Variants in CHRNA5 observed in about 807,000 individuals in gnomAD.
CHRNA5 encodes the protein cholinergic receptor nicotinic alpha 5 subunit.
In CHRNA5, 28 loss-of-function variants were observed where a neutral mutation model predicts 41.2. The ratio of observed to expected loss-of-function variants is 0.68; its 90% CI spans 0.50 to 0.93. The LOEUF (loss-of-function observed/expected upper bound fraction) is 0.93. Among genes scored for constraint, CHRNA5 ranks in the 40% least tolerant of loss-of-function variants. CHRNA5 has a pLI of 0.00. For synonymous variants in CHRNA5, 188 were observed against 205.8 expected (o/e 0.91, Z 0.74); for missense variants, 481 against 581.9 (o/e 0.83, Z 1.78).
intron 2 of CHRNA5, among the ~76,000 whole-genome samples, chr15:78,583,003 A>G (rs571772052): frequency 1.3e-5 from 2 of 152,156 alleles, no homozygotes; most frequent in Non-Finnish European, 2.9e-5. Context: ...TCCAGAATCC[A>G]TAAGACAGCC....
intron 1 of CHRNA5, among the ~76,000 whole-genome samples, chr15:78,578,488 C>T (rs1046050932): frequency 3.9e-5 from 6 of 152,210 alleles, no homozygotes; most frequent in African/African-American, 1.4e-4. Context: ...GCCTGGGTGA[C>T]AGAGTGAGAC....
chr15:78,566,505 A>G (rs538883170), intron 1 of CHRNA5, among the ~76,000 whole-genome samples: 2 of 152,228 alleles, frequency 1.3e-5, no homozygotes, highest in South Asian at 2.1e-4. Flanking sequence ...TGCTTGGGAA[A>G]GTTTTAGAGT....
At position 78,570,424 on chromosome 15, in the gene CHRNA5, AT is replaced by A. The variant is rs71148540; in HGVS notation, c.106+4624del. On this transcript the variant is annotated intron_variant, in intron 1 of 5. Coordinates refer to ENST00000299565, the Ensembl canonical transcript of CHRNA5. ...CAGGCATGTGCCACCAATCCCGGCT[AT>A]TTTTTTTTTTTTTTTTTTTTTTTTA... Among the ~76,000 whole-genome samples the A allele has an allele frequency of 4.9e-3, 316 of 64,156 alleles. 5 individuals are homozygous for A. Among genetic ancestry groups the A allele is most frequent in the African/African-American group, 0.02 (289 of 14,814 alleles). The allele number at this position is 64,156 out of a possible 152,430, so 42.1% of individuals were successfully genotyped here.
chr15:78,565,956 G>C, intron 1 of CHRNA5, 131 bp downstream of exon 1: 1 of 377,552 alleles, frequency 2.6e-6, no homozygotes. Flanking sequence ...TCTCCTGGGG[G>C]CTTGGAGTGA....
chr15:78,576,141 GT>G (rs200478893), intron 1 of CHRNA5, among the ~76,000 whole-genome samples: 2 of 151,644 alleles, frequency 1.3e-5, no homozygotes, highest in South Asian at 2.1e-4. Flanking sequence ...TTGTTTGTTT[GT>G]TTTTTTTTTT....
intron 1 of CHRNA5, among the ~76,000 whole-genome samples, chr15:78,570,581 G>A (rs1233382196): frequency 1.3e-5 from 2 of 151,772 alleles, no homozygotes; most frequent in Admixed American, 6.6e-5. Flanking sequence ...CTCCTACTGT[G>A]TTTAATTCAG....
chr15:78,572,317 A>G (rs73463074), intron 1 of CHRNA5, among the ~76,000 whole-genome samples: 5,991 of 152,192 alleles, frequency 0.039, 356 homozygotes, highest in African/African-American at 0.12. Flanking sequence ...TCCCATTGTA[A>G]CATTATTAGA....
intron 2 of CHRNA5, among the ~76,000 whole-genome samples, chr15:78,582,508 A>G (rs1432739929): frequency 7.0e-6 from 1 of 142,560 alleles, no homozygotes. Context: ...AAAGAAAAGA[A>G]AAAGTAAGGT....
At chr15:78,571,578 CTTT>C (rs34248937) in intron 1 of CHRNA5, among the ~76,000 whole-genome samples, 31 of 116,568 alleles carry the variant, frequency 2.7e-4, no homozygotes, top group African/African-American at 5.6e-4. Flanking sequence ...GATGCTCTGC[CTTT>C]TTTTTTTTTT....
At chr15:78,580,962 G>A (rs1316101797) in exon 2 of CHRNA5, 1 of 1,611,898 alleles carries the variant, frequency 6.2e-7, no homozygotes, top group Non-Finnish European at 8.5e-7. Context: ...TGGTGGATGT[G>A]GTAGGTGTGC....
intron 1 of CHRNA5, among the ~76,000 whole-genome samples, chr15:78,570,099 G>A (rs2052787746): frequency 6.6e-6 from 1 of 152,154 alleles, no homozygotes; most frequent in Non-Finnish European, 1.5e-5. Flanking sequence ...TGGGATTACA[G>A]GCGTGAGCCA....
At chr15:78,565,723 G>A (rs1440785195) in exon 1 of CHRNA5, 13 of 1,168,610 alleles carry the variant, frequency 1.1e-5, no homozygotes, top group Admixed American at 9.3e-5. Flanking sequence ...CGGGGCGATG[G>A]CGGCGCGGGG....
chr15:78,565,596 C>T (rs1297206749), exon 1 of CHRNA5: 1 of 237,990 alleles, frequency 4.2e-6, no homozygotes, highest in Non-Finnish European at 7.7e-6. Context: ...GGAGCGGCCC[C>T]TCTGCTGCGT....
chr15:78,580,820 A>G, exon 2 of CHRNA5: 1 of 1,612,136 alleles, frequency 6.2e-7, no homozygotes, highest in Non-Finnish European at 8.5e-7. Flanking sequence ...GGATTATCTG[A>G]ACCTTCTTCT....
exon 2 of CHRNA5, chr15:78,580,911 T>C (rs755103444): frequency 6.2e-7 from 1 of 1,614,178 alleles, no homozygotes; most frequent in East Asian, 2.2e-5. Context: ...AACACCTGAA[T>C]GACAAAATAA....
chr15:78,590,022 GA>G lies in CHRNA5; in HGVS notation c.632del (p.Asp211ValfsTer11). ...AGAGGACCAAGATGTAGACAAGAGA[GA>G]TTTTTTTGATAATGGAGAATGGGAG... On this transcript the variant is annotated frameshift_variant, in exon 5 of 6. Coordinates refer to ENST00000299565, the Ensembl canonical transcript of CHRNA5. LOFTEE classifies it high-confidence loss of function. The G allele has an allele frequency of 1.2e-6, 2 of 1,614,200 alleles. No homozygotes were observed. Among genetic ancestry groups the G allele is most frequent in the Non-Finnish European group, 1.7e-6 (2 of 1,180,034 alleles).
chr15:78,586,858 AG>A (rs2052965577), intron 3 of CHRNA5, among the ~76,000 whole-genome samples, 169 bp downstream of exon 3: 1 of 152,158 alleles, frequency 6.6e-6, no homozygotes, highest in South Asian at 2.1e-4. Context: ...GGGTAGATGG[AG>A]TTCTTGTATT....
chr15:78,578,234 G>A (rs1279835324), intron 1 of CHRNA5, among the ~76,000 whole-genome samples: 1 of 152,200 alleles, frequency 6.6e-6, no homozygotes, highest in African/African-American at 2.4e-5. Flanking sequence ...ACTGCCTGGC[G>A]CAGTGGCTCA....
chr15:78,594,856 CTT>C (rs1161998071), exon 6 of CHRNA5: 4 of 152,300 alleles, frequency 2.6e-5, no homozygotes, highest in African/African-American at 9.6e-5. Flanking sequence ...TGTAATCAAT[CTT>C]AGCCTATTAC....
Sources: gnomAD v4.1 joint callset for allele counts (sites outside exome capture counted in the v4.1 genomes callset) on GRCh38, gnomAD v4.1.1 for gene constraint, MANE v1.5 for transcripts, NCBI Gene and HGNC (gene_info 2026-07-23, HGNC 2026-07-21) for gene names.